NEB: variants seen among roughly 807,000 people sequenced by gnomAD.
NEB encodes nebulin, also known as nemaline myopathy type 2.
Under a neutral mutation model 952.2 loss-of-function variants are expected in NEB, and 512 were observed. The observed-to-expected ratio is 0.54, with a 90% CI of 0.50 to 0.58. The LOEUF (loss-of-function observed/expected upper bound fraction) is 0.58, where lower values mean the gene tolerates loss of function less well. Among genes scored for constraint, NEB ranks in the 20% least tolerant of loss-of-function variants. The probability of loss-of-function intolerance (pLI) is 0.00; values close to 1 mark genes in which losing one functional copy is unlikely to be tolerated. For synonymous variants in NEB, 2,900 were observed against 3,149.8 expected, an observed-to-expected ratio of 0.92 and a Z score of 2.66; for missense variants, 8,428 against 9,231.1, an observed-to-expected ratio of 0.91 and a Z score of 3.56.
intron 16 of NEB, among the ~76,000 whole-genome samples, 168 bp downstream of exon 16, chr2:151,696,980 T>G (rs1468959414): frequency 6.6e-6 from 1 of 152,244 alleles, no homozygotes; most frequent in Non-Finnish European, 1.5e-5. Context: ...CCTCTTAAAA[T>G]GTAGGGATGT....
At chr2:151,624,602 T>A (rs2098482914) in intron 71 of NEB, among the ~76,000 whole-genome samples, 1 of 152,152 alleles carries the variant, frequency 6.6e-6, no homozygotes, top group Non-Finnish European at 1.5e-5. Flanking sequence ...CTCCATTTTT[T>A]AAGGCTACAT....
chr2:151,551,520 G>C lies in NEB; in HGVS notation c.19944+218C>G, dbSNP rs192176986. ...TTCTTCTTTGTAACTTGTAAATATT[G>C]CTAAAACATGCCCATTATGTTGGTT... On this transcript the variant is annotated intron_variant, in intron 129 of 181. Coordinates refer to ENST00000397345, the MANE Select transcript of NEB (RefSeq NM_001164508.2). 1.8e-3 allele frequency among the ~76,000 whole-genome samples: 269 copies of C among 152,280 alleles called. 2 individuals are homozygous for C. The South Asian group carries it at 0.03, about 17-fold the overall frequency.
At chr2:151,578,770 T>TGAAGGAAGGAAG (rs1047213315) in intron 105 of NEB, among the ~76,000 whole-genome samples, 10 of 110,154 alleles carry the variant, frequency 9.1e-5, no homozygotes, top group African/African-American at 2.5e-4. Flanking sequence ...AAGGAAGGAA[T>TGAAGGAAGGAAG]GAAGGAAGGA....
At chr2:151,532,746 CTT>C (rs5835372) in intron 143 of NEB, among the ~76,000 whole-genome samples, 8 of 149,896 alleles carry the variant, frequency 5.3e-5, no homozygotes, top group Admixed American at 6.6e-5. Flanking sequence ...GCTCAATTAA[CTT>C]TTTTTTTTTG....
At chr2:151,723,750 G>GTTTT (rs11308757) in intron 8 of NEB, among the ~76,000 whole-genome samples, 24 of 51,362 alleles carry the variant, frequency 4.7e-4, no homozygotes, top group Middle Eastern at 0.021. Context: ...TGCCTTCTTT[G>GTTTT]TTTTTTTTTT....
intron 20 of NEB, 169 bp from the exon 21 acceptor site, chr2:151,692,531 C>CCTTA (rs2099564779): frequency 3.0e-6 from 2 of 669,002 alleles, no homozygotes; most frequent in Non-Finnish European, 5.3e-6. Context: ...GAGGCTCATG[C>CCTTA]CTTATATAAT....
intron 34 of NEB, among the ~76,000 whole-genome samples, chr2:151,676,912 T>C (rs2099364813): frequency 6.6e-6 from 1 of 152,212 alleles, no homozygotes; most frequent in Non-Finnish European, 1.5e-5. Flanking sequence ...GCCTGGCACA[T>C]GGTAAATGTT....
Position 151,636,321 on chromosome 2 carries a change from A to G in NEB, c.9008T>C (p.Leu3003Pro). The change falls in exon 64 of 182, where the codon CTT (leucine) becomes CCT (proline). Residue 3003 changes from leucine (L) to proline (P), a missense_variant. By Grantham distance (98) the Leu-to-Pro change is moderately conservative. Coordinates refer to ENST00000397345, the MANE Select transcript of NEB (RefSeq NM_001164508.2). ...TTTCTTCTTTGCTTCTTCATTAGCA[A>G]GTTTGTACAGACTCTAAATTTGGGG... ...KINYSESLYK[L>P]ANEEAKKKGY... 6.2e-7 allele frequency: 1 copy of G among 1,606,106 alleles called. No individual in the cohort carries two copies. Among genetic ancestry groups the G allele is most frequent in the Non-Finnish European group, 8.5e-7 (1 of 1,179,404 alleles).
At chr2:151,615,816 A>G (rs112856025) in intron 76 of NEB, 186 bp downstream of exon 76, 11 of 507,424 alleles carry the variant, frequency 2.2e-5, no homozygotes, top group East Asian at 1.4e-4. Flanking sequence ...TGATTGATTG[A>G]TGGGTATAAT....
At position 151,632,173 on chromosome 2, in the gene NEB, G is replaced by C. The variant is rs1387359984; in HGVS notation, c.9415-827C>G. 2.0e-5 allele frequency among the ~76,000 whole-genome samples: 3 copies of C among 151,548 alleles called. No individual in the cohort carries two copies. The East Asian group carries it at 5.8e-4, about 29-fold the overall frequency. ...TCACTTTATTAAAAAATTTTTTTTTGCTGAAGGTTTTTATATACCCATTAG... is the reference window on the plus strand; with the variant it reads ...TCACTTTATTAAAAAATTTTTTTTTCCTGAAGGTTTTTATATACCCATTAG... On this transcript the variant is annotated intron_variant, in intron 65 of 181. Coordinates refer to ENST00000397345, the MANE Select transcript of NEB (RefSeq NM_001164508.2).
Position 151,642,816 on chromosome 2 carries a change from T to A in NEB, c.8214A>T (p.Pro2738=). The change falls in exon 59 of 182, where the codon CCA becomes CCT. Residue 2738 remains proline, a synonymous_variant. Transcript: ENST00000397345. ...DKDKTTVHIM[P]DTPEVLLAKQ... is the part of the protein sequence containing the mutation. ...TAGCTAATAAAACTTCAGGGGTATC[T>A]GGCATAATGTGGACAGTGGTTTTAT... 1 of 1,613,124 alleles carries A rather than the reference T, an allele frequency of 6.2e-7. No individual in the cohort carries two copies. The highest frequency in any genetic ancestry group is 8.5e-7 in the Non-Finnish European group (1 of 1,179,404).
At chr2:151,539,728 G>T (rs1427030898) in intron 138 of NEB, among the ~76,000 whole-genome samples, 2 of 152,144 alleles carry the variant, frequency 1.3e-5, no homozygotes, top group Non-Finnish European at 1.5e-5. Context: ...AGGCAGCCTT[G>T]CCCTCGATTG....
chr2:151,568,794 G>A (rs2096525861), intron 110 of NEB, 78 bp from the exon 111 acceptor site: 1 of 1,026,586 alleles, frequency 9.7e-7, no homozygotes. Flanking sequence ...TAAATTTAGA[G>A]TCCTTCTCTA....
intron 28 of NEB, among the ~76,000 whole-genome samples, chr2:151,684,034 G>C (rs545355758): frequency 6.6e-6 from 1 of 152,128 alleles, no homozygotes; most frequent in Admixed American, 6.6e-5. Context: ...GAAACAAAGC[G>C]TAGATTGGTG....
At position 151,492,137 on chromosome 2, in the gene NEB, C is replaced by T; in HGVS notation, c.25018G>A (p.Glu8340Lys). The T allele has an allele frequency of 1.2e-6, 2 of 1,613,894 alleles. No individual in the cohort carries two copies. Among genetic ancestry groups the T allele is most frequent in the South Asian group, 2.2e-5 (2 of 91,074 alleles). ...TGATCTTGGTCATTCCGTTTTTGTT[C>T]CATTTCTACCACTTTCCTCTGAATA... is the stretch of plus-strand genomic sequence containing the variant. ...RGIQRKVVEM[E>K]QKRNDQDQET... The change falls in exon 178 of 182, where the codon GAA becomes AAA. Residue 8340 changes from glutamate (E) to lysine (K), a missense_variant. Glu to Lys is a moderately conservative substitution (Grantham distance 56). Transcript: ENST00000397345.
chr2:151,528,391 A>T (rs529175229), intron 146 of NEB, among the ~76,000 whole-genome samples: 1 of 152,272 alleles, frequency 6.6e-6, no homozygotes, highest in Non-Finnish European at 1.5e-5. Flanking sequence ...TTTTCCCCTC[A>T]TTTTATTTTG....
At chr2:151,671,275 C>A (rs1477386597) in intron 37 of NEB, 46 bp from the exon 38 acceptor site, 2 of 1,492,552 alleles carry the variant, frequency 1.3e-6, no homozygotes, top group Non-Finnish European at 1.8e-6. Flanking sequence ...GGAGAATATT[C>A]AAGGGATGTT....
chr2:151,683,218 G>A (rs1170136512), intron 28 of NEB, among the ~76,000 whole-genome samples: 1 of 152,106 alleles, frequency 6.6e-6, no homozygotes, highest in Non-Finnish European at 1.5e-5. Flanking sequence ...AGAACTATTC[G>A]TACTAAGTAT....
intron 9 of NEB, among the ~76,000 whole-genome samples, 180 bp downstream of exon 9, chr2:151,723,202 T>C (rs1260781253): frequency 1.3e-5 from 2 of 152,230 alleles, no homozygotes; most frequent in Admixed American, 1.3e-4. Context: ...TAATATAAAG[T>C]GTAAATTATA....
Sources: gnomAD v4.1 joint callset for allele counts (sites outside exome capture counted in the v4.1 genomes callset) on GRCh38, gnomAD v4.1.1 for gene constraint, MANE v1.5 for transcripts, NCBI Gene and HGNC (gene_info 2026-07-23, HGNC 2026-07-21) for gene names.